Variants in PDZD2 observed in about 807,000 individuals in gnomAD.
The protein encoded by PDZD2 is PDZ domain containing 2, also known as PDZ domain-containing protein 2.
In PDZD2, 90 loss-of-function variants were observed where a neutral mutation model predicts 220.7. The observed-to-expected ratio is 0.41, with a 90% CI of 0.34 to 0.49. The LOEUF (loss-of-function observed/expected upper bound fraction) is 0.49, where lower values mean the gene tolerates loss of function less well. Among genes scored for constraint, PDZD2 ranks in the 20% least tolerant of loss-of-function variants. PDZD2 has a pLI of 0.28. For synonymous variants in PDZD2, 1,375 were observed against 1,450.5 expected (o/e 0.95, Z 1.18); for missense variants, 3,174 against 3,608.5 (o/e 0.88, Z 3.08).
intron 2 of PDZD2, among the ~76,000 whole-genome samples, chr5:31,934,797 A>G (rs886798096): frequency 2.0e-5 from 3 of 152,104 alleles, no homozygotes; most frequent in Admixed American, 2.0e-4. Context: ...AAAAAACACC[A>G]AAAATCTGGC....
rs1017932595 is a variant in PDZD2 at position 31,887,757 on chromosome 5, C to T, written c.476+88033C>T. 5.3e-5 allele frequency among the ~76,000 whole-genome samples: 8 copies of T among 151,986 alleles called. No homozygotes were observed. The East Asian group carries it at 7.7e-4, about 15-fold the overall frequency. ...CACAGGCTCAAATACTGAGGGTTGC[C>T]TGTGCATGCCCTGTGTCTCAAAACT... On this transcript the variant is annotated intron_variant, in intron 2 of 24. Coordinates refer to ENST00000438447, the MANE Select transcript of PDZD2 (RefSeq NM_178140.4).
intron 2 of PDZD2, among the ~76,000 whole-genome samples, chr5:31,856,123 T>TA (rs1215454489): frequency 3.9e-5 from 6 of 152,228 alleles, no homozygotes; most frequent in Admixed American, 6.5e-5. Flanking sequence ...TTTGCACTCT[T>TA]ACACTGTTTT....
chr5:31,701,058 G>A (rs754577506), intron 1 of PDZD2, among the ~76,000 whole-genome samples: 1 of 152,202 alleles, frequency 6.6e-6, no homozygotes, highest in African/African-American at 2.4e-5. Context: ...GCCACTTGCC[G>A]TCTGACACCT....
rs188432989 is a variant in PDZD2 at position 31,790,460 on chromosome 5, C to T, written c.-360-8429C>T. Reference sequence around the variant, plus strand: ...ACTTTTGTGATGGGCACAGGAAGGACACCTTTTCTGGGGGCTGAACATTTT... The same window carrying T: ...ACTTTTGTGATGGGCACAGGAAGGATACCTTTTCTGGGGGCTGAACATTTT... On this transcript the variant is annotated intron_variant, in intron 1 of 24. Coordinates refer to ENST00000438447, the MANE Select transcript of PDZD2 (RefSeq NM_178140.4). 7.1e-4 allele frequency among the ~76,000 whole-genome samples: 108 copies of T among 152,258 alleles called. No homozygotes were observed. The East Asian group carries it at 0.012, about 17-fold the overall frequency.
intron 6 of PDZD2, among the ~76,000 whole-genome samples, chr5:32,019,400 T>C (rs150312518): frequency 6.6e-6 from 1 of 152,302 alleles, no homozygotes; most frequent in African/African-American, 2.4e-5. Flanking sequence ...CGTCTCAGCC[T>C]CCCAAAGTAC....
intron 1 of PDZD2, among the ~76,000 whole-genome samples, chr5:31,723,229 A>C (rs1748909571): frequency 6.6e-6 from 1 of 152,254 alleles, no homozygotes; most frequent in African/African-American, 2.4e-5. Context: ...CTAGATTACT[A>C]ACACCAAAAC....
At chr5:31,730,591 TG>T (rs1554067626) in intron 1 of PDZD2, among the ~76,000 whole-genome samples, 21,740 of 104,580 alleles carry the variant, frequency 0.21, 1,705 homozygotes, top group East Asian at 0.29. Flanking sequence ...TGTGTGTGTG[TG>T]GTGTGTGTGT....
chr5:31,642,662 A>C (rs1334629725), intron 1 of PDZD2, among the ~76,000 whole-genome samples: 3 of 152,182 alleles, frequency 2.0e-5, no homozygotes, highest in Non-Finnish European at 4.4e-5. Context: ...GAGATGTGGG[A>C]GAGAGTAGAG....
chr5:32,071,394 G>A lies in PDZD2; in HGVS notation c.2544G>A (p.Leu848=). ...TTTTCCCTCCAACAGGTACCCCCTTGAAGAGTCCCTCTCTTGCAAAAAAGG... is the reference window on the plus strand; with the variant it reads ...TTTTCCCTCCAACAGGTACCCCCTTAAAGAGTCCCTCTCTTGCAAAAAAGG... ...ANSSPGLGTP[L]KSPSLAKKDS... is the part of the protein sequence containing the mutation. Residue 848 remains leucine (L), a synonymous_variant, in exon 16 of 25, where the codon TTG becomes TTA. Transcript: ENST00000438447. 6.2e-7 allele frequency: 1 copy of A among 1,609,994 alleles called. No homozygotes were observed. The highest frequency in any genetic ancestry group is 8.5e-7 in the Non-Finnish European group (1 of 1,176,274).
chr5:31,972,438 A>G (rs993095474), intron 2 of PDZD2, among the ~76,000 whole-genome samples: 3 of 151,438 alleles, frequency 2.0e-5, no homozygotes, highest in African/African-American at 7.4e-5. Flanking sequence ...TATTTCTTGT[A>G]GCCCATCTCA....
At chr5:31,891,882 C>G (rs1444107971) in intron 2 of PDZD2, among the ~76,000 whole-genome samples, 1 of 151,616 alleles carries the variant, frequency 6.6e-6, no homozygotes, top group South Asian at 2.1e-4. Flanking sequence ...TCTGCTGTGA[C>G]AAATCCAAGC....
intron 7 of PDZD2, 123 bp downstream of exon 7, chr5:32,037,465 C>T: frequency 3.2e-6 from 2 of 631,168 alleles, no homozygotes; most frequent in East Asian, 5.4e-5. Context: ...TCATTTTTAC[C>T]TTGGATGGTG....
chr5:32,007,629 T>C (rs1752935681), intron 5 of PDZD2, among the ~76,000 whole-genome samples: 1 of 152,232 alleles, frequency 6.6e-6, no homozygotes, highest in South Asian at 2.1e-4. Flanking sequence ...TTGTTTAAGA[T>C]GGGTTTCATT....
intron 1 of PDZD2, among the ~76,000 whole-genome samples, chr5:31,651,065 T>C (rs1745331151): frequency 6.6e-6 from 1 of 152,182 alleles, no homozygotes; most frequent in Non-Finnish European, 1.5e-5. Context: ...TTCATCTCTT[T>C]CCCTGTTGTT....
Position 31,867,400 on chromosome 5 carries a change from G to A in PDZD2, c.476+67676G>A, listed in dbSNP as rs573696950. On this transcript the variant is annotated intron_variant, in intron 2 of 24. Transcript: ENST00000438447. ...GAGGTGCTGGGGTTGGGCTGGGTGAGTTAGTTAAAAGTTGTGTGGTTTTTG... is the reference window on the plus strand; with the variant it reads ...GAGGTGCTGGGGTTGGGCTGGGTGAATTAGTTAAAAGTTGTGTGGTTTTTG... Among the ~76,000 whole-genome samples, 20 of 152,264 alleles carry A rather than the reference G, an allele frequency of 1.3e-4. 1 individual carries two copies. In the South Asian group the frequency reaches 3.9e-3, roughly 30 times the overall value.
chr5:31,653,816 A>G (rs566874662), intron 1 of PDZD2, among the ~76,000 whole-genome samples: 78 of 151,944 alleles, frequency 5.1e-4, no homozygotes, highest in Non-Finnish European at 8.4e-4. Context: ...ACAGAGTCTC[A>G]CTCTGTCACT....
At chr5:31,803,752 A>C (rs1754543659) in intron 2 of PDZD2, among the ~76,000 whole-genome samples, 1 of 151,996 alleles carries the variant, frequency 6.6e-6, no homozygotes, top group African/African-American at 2.4e-5. Flanking sequence ...AGAATACAGA[A>C]AATAGGGGCA....
At chr5:31,989,812 C>T (rs887161942) in intron 3 of PDZD2, among the ~76,000 whole-genome samples, 9 of 152,218 alleles carry the variant, frequency 5.9e-5, no homozygotes, top group South Asian at 4.2e-4. Context: ...TAGTGCAGGG[C>T]GGGGCCTTCT....
At chr5:32,046,680 G>A (rs765215743) in intron 7 of PDZD2, among the ~76,000 whole-genome samples, 19 of 152,248 alleles carry the variant, frequency 1.2e-4, no homozygotes, top group Admixed American at 7.8e-4. Context: ...CAGGCAAAGC[G>A]TAGACACGGA....
Sources: allele counts gnomAD v4.1 joint callset (sites outside exome capture counted in the v4.1 genomes callset), GRCh38; gene constraint gnomAD v4.1.1; transcripts MANE v1.5; gene names NCBI Gene and HGNC (gene_info 2026-07-23, HGNC 2026-07-21).